Variants in CABIN1 observed in about 807,000 individuals in gnomAD.
The protein encoded by CABIN1 is calcineurin-binding protein cabin-1.
A neutral mutation model predicts 227.7 loss-of-function variants in CABIN1; 133 were observed. The ratio of observed to expected loss-of-function variants is 0.58; its 90% confidence interval spans 0.51 to 0.67. The LOEUF (loss-of-function observed/expected upper bound fraction) is 0.67, where lower values mean the gene tolerates loss of function less well. CABIN1 is among the 30% of genes least tolerant of loss of function. The pLI, the probability that CABIN1 is intolerant of heterozygous loss-of-function variation, is 0.00. For missense variants in CABIN1, 2,408 were observed against 2,852.5 expected (o/e 0.84, Z 3.55); for synonymous variants, 1,086 against 1,155.1 (o/e 0.94, Z 1.21).
intron 26 of CABIN1, among the ~76,000 whole-genome samples, chr22:24,105,475 A>C (rs920151411): frequency 3.3e-5 from 5 of 152,208 alleles, no homozygotes; most frequent in Non-Finnish European, 7.3e-5. Flanking sequence ...TCTGAAAAAA[A>C]GAGCAAGGCC....
chr22:24,135,585 A>G (rs1297492795), intron 29 of CABIN1, among the ~76,000 whole-genome samples: 1 of 152,026 alleles, frequency 6.6e-6, no homozygotes, highest in Non-Finnish European at 1.5e-5. Flanking sequence ...TCTGTCCTGC[A>G]TGGAGACAGC....
At chr22:24,148,522 A>G (rs1269446105) in intron 29 of CABIN1, among the ~76,000 whole-genome samples, 1 of 152,214 alleles carries the variant, frequency 6.6e-6, no homozygotes, top group Non-Finnish European at 1.5e-5. Context: ...GTCGAAGTCC[A>G]GCATAATCCT....
intron 10 of CABIN1, among the ~76,000 whole-genome samples, chr22:24,057,183 G>A (rs1021174975): frequency 6.6e-6 from 1 of 152,086 alleles, no homozygotes; most frequent in Admixed American, 6.6e-5. Context: ...TAATCTGCCC[G>A]CCTCAACCTC....
At chr22:24,162,947 C>T (rs901259807) in intron 29 of CABIN1, among the ~76,000 whole-genome samples, 1 of 152,146 alleles carries the variant, frequency 6.6e-6, no homozygotes, top group African/African-American at 2.4e-5. Flanking sequence ...TGCAGCACAG[C>T]GGATGGAGAC....
intron 19 of CABIN1, 65 bp from the exon 20 acceptor site, chr22:24,083,163 C>T: frequency 1.3e-6 from 2 of 1,557,646 alleles, no homozygotes; most frequent in Non-Finnish European, 1.8e-6. Flanking sequence ...CTCTGGGGCC[C>T]TGCTGTGACA....
At position 24,176,190 on chromosome 22, in the gene CABIN1, G is replaced by A. The variant is rs750982741; in HGVS notation, c.6120G>A (p.Met2040Ile). The change falls in exon 35 of 37, where the codon ATG becomes ATA. Residue 2040 changes from methionine (M) to isoleucine (I), a missense_variant. Coordinates refer to ENST00000263119, the MANE Select transcript of CABIN1 (RefSeq NM_012295.4). ...CACGGCACAGTCCGCAGGTGAAGAT[G>A]GCCCCCACAAGTTCCCCGGCAGAGC... ...QEPRHSPQVKMAPTSSPAEPH... is the reference protein window; with the variant it reads ...QEPRHSPQVKIAPTSSPAEPH... The A allele has an allele frequency of 3.5e-5, 56 of 1,611,088 alleles. No homozygotes were observed. In the South Asian group the frequency reaches 6.1e-4, roughly 17 times the overall value.
chr22:24,045,975 A>G (rs1396755992), intron 6 of CABIN1, among the ~76,000 whole-genome samples: 1 of 152,246 alleles, frequency 6.6e-6, no homozygotes, highest in African/African-American at 2.4e-5. Context: ...AAACATGTCA[A>G]GATACAGAAC....
In CABIN1 at chr22:24,083,239, C is replaced by T. The variant is rs757179439; in HGVS notation, c.2760C>T (p.Leu920=). Residue 920 remains leucine, a synonymous_variant, in exon 20 of 37, where the codon CTC becomes CTT. Coordinates refer to ENST00000263119, the MANE Select transcript of CABIN1 (RefSeq NM_012295.4). ...TCTGCCCACCACAGGTGCGAGTACT[C>T]CAGAAGGAACTGGCTGCATCCACCT... ...GALLRFYVRV[L]QKELAASTSE... The T allele has an allele frequency of 1.2e-6, 2 of 1,612,360 alleles. No individual in the cohort carries two copies. The highest frequency in any genetic ancestry group is 1.7e-6 in the Non-Finnish European group (2 of 1,180,030).
chr22:24,075,561 A>G (rs566217280), intron 18 of CABIN1, among the ~76,000 whole-genome samples: 152 of 152,280 alleles, frequency 1.0e-3, no homozygotes, highest in African/African-American at 3.4e-3. Context: ...CTTGAGCAAC[A>G]TAGTGAAACC....
chr22:24,051,845 C>T (rs1843732453), intron 8 of CABIN1, among the ~76,000 whole-genome samples: 1 of 152,108 alleles, frequency 6.6e-6, no homozygotes, highest in Admixed American at 6.5e-5. Flanking sequence ...CAGCACATAG[C>T]ACCCACTCAG....
At chr22:24,150,874 C>A (rs982210501) in intron 29 of CABIN1, among the ~76,000 whole-genome samples, 1 of 152,204 alleles carries the variant, frequency 6.6e-6, no homozygotes, top group Non-Finnish European at 1.5e-5. Context: ...CCCATTCCCT[C>A]ACATAAGGGG....
At chr22:24,012,892 C>T (rs5996660) in intron 1 of CABIN1, among the ~76,000 whole-genome samples, 1 of 151,930 alleles carries the variant, frequency 6.6e-6, no homozygotes, top group African/African-American at 2.4e-5. Context: ...TCCCGAGTAG[C>T]TGGGACTACA....
rs758955124 is a variant in CABIN1 at position 24,098,649 on chromosome 22, C to T, written c.4117+457C>T. ...GCCGTGACTAGTTCTAAGTCTGTCA[C>T]CCCTGAGAATCCAGATAAGTTGTTA... On this transcript the variant is annotated intron_variant, in intron 26 of 36. Coordinates refer to ENST00000263119, the MANE Select transcript of CABIN1 (RefSeq NM_012295.4). Among the ~76,000 whole-genome samples the T allele has an allele frequency of 1.6e-3, 236 of 152,194 alleles. 5 individuals carry two copies. The highest frequency in any genetic ancestry group is 1.3e-3 in the Admixed American group (20 of 15,282).
Position 24,119,406 on chromosome 22 carries a change from G to A in CABIN1, c.4340G>A (p.Arg1447Gln), listed in dbSNP as rs540527457. ...TCATTGGAGAGTACAGAAGGCTTCC[G>A]GGCTGCAGAGCAAGGTGTCCAGAAG... Reference protein sequence around the residue: ...EESLESTEGFRAAEQGVQKPA... With the variant: ...EESLESTEGFQAAEQGVQKPA... Residue 1447 changes from arginine to glutamine, a missense_variant, in exon 28 of 37, where the codon CGG becomes CAG. Coordinates refer to ENST00000263119, the MANE Select transcript of CABIN1 (RefSeq NM_012295.4). 43 of 1,613,984 alleles carry A rather than the reference G, an allele frequency of 2.7e-5. No individual in the cohort carries two copies. The highest frequency in any genetic ancestry group is 4.5e-5 in the East Asian group (2 of 44,890).
At chr22:24,040,402 C>G (rs1453866493) in intron 4 of CABIN1, among the ~76,000 whole-genome samples, 1 of 152,172 alleles carries the variant, frequency 6.6e-6, no homozygotes, top group African/African-American at 2.4e-5. Flanking sequence ...TGGAAGCCAC[C>G]TGCCCCAGGA....
chr22:24,022,288 C>T (rs942497237), intron 1 of CABIN1, among the ~76,000 whole-genome samples: 5 of 152,152 alleles, frequency 3.3e-5, no homozygotes, highest in African/African-American at 9.7e-5. Flanking sequence ...TCCTTTACCC[C>T]GGGCTGCCCC....
chr22:24,146,646 C>A (rs575686330), intron 29 of CABIN1, among the ~76,000 whole-genome samples: 3 of 152,310 alleles, frequency 2.0e-5, no homozygotes, highest in African/African-American at 7.2e-5. Context: ...AGCCAGGCCA[C>A]CTGCATTCAC....
chr22:24,055,069 G>A lies in CABIN1; in HGVS notation c.1003G>A (p.Val335Ile). Residue 335 changes from valine to isoleucine, a missense_variant, in exon 9 of 37, where the codon GTC (valine) becomes ATC (isoleucine). Transcript: ENST00000263119. ...STVSTNPAVA[V>I]AEPVVSYTSV... ...TGTCAGCACCAACCCAGCTGTGGCT[G>A]TCGCCGAGCCTGTGGTCTCCTACAC... is the stretch of plus-strand genomic sequence containing the variant. The A allele has an allele frequency of 1.9e-6, 3 of 1,614,260 alleles. No individual in the cohort carries two copies. The highest frequency in any genetic ancestry group is 2.5e-6 in the Non-Finnish European group (3 of 1,180,048).
chr22:24,085,152 G>C lies in CABIN1; in HGVS notation c.3263+1G>C. 1 of 1,614,182 alleles carries C rather than the reference G, an allele frequency of 6.2e-7. No individual in the cohort carries two copies. Among genetic ancestry groups the C allele is most frequent in the Non-Finnish European group, 8.5e-7 (1 of 1,180,026 alleles). Reference sequence around the variant, plus strand: ...ATGACATCTGCATCTGCCCCAATAGGTCAGTGACCAGATCATGAGGCTAGG... The same window carrying C: ...ATGACATCTGCATCTGCCCCAATAGCTCAGTGACCAGATCATGAGGCTAGG... On this transcript the variant is annotated splice_donor_variant, in intron 22 of 36. Coordinates refer to ENST00000263119, the MANE Select transcript of CABIN1 (RefSeq NM_012295.4). LOFTEE classifies it high-confidence loss of function.
Sources: gnomAD v4.1 joint callset for allele counts (sites outside exome capture counted in the v4.1 genomes callset) on GRCh38, gnomAD v4.1.1 for gene constraint, MANE v1.5 for transcripts, NCBI Gene and HGNC (gene_info 2026-07-23, HGNC 2026-07-21) for gene names.